ADAMTS20: variants seen among roughly 807,000 people sequenced by gnomAD.
The protein encoded by ADAMTS20 is ADAM metallopeptidase with thrombospondin type 1 motif 20, also known as A disintegrin and metalloproteinase with thrombospondin motifs 20.
ADAMTS20 carries 225 observed loss-of-function variants against 260.1 expected under a neutral mutation model. The observed-to-expected ratio is 0.87, with a 90% CI of 0.78 to 0.97. The LOEUF is 0.97. Ranked by LOEUF, ADAMTS20 falls within the 50% of genes least tolerant of loss-of-function variation. The probability of loss-of-function intolerance (pLI) is 0.00; values close to 1 mark genes in which losing one functional copy is unlikely to be tolerated. For synonymous variants in ADAMTS20, 802 were observed against 769.5 expected, an observed-to-expected ratio of 1.04 and a Z score of -0.70; for missense variants, 2,400 against 2,337.7, an observed-to-expected ratio of 1.03 and a Z score of -0.55.
chr12:43,525,694 A>G (rs575970767), intron 3 of ADAMTS20, among the ~76,000 whole-genome samples: 67 of 152,374 alleles, frequency 4.4e-4, no homozygotes, highest in African/African-American at 1.5e-3. Flanking sequence ...TTGAATGCAA[A>G]TGGAAACCAA....
chr12:43,510,265 C>T (rs1038594320), intron 3 of ADAMTS20, among the ~76,000 whole-genome samples: 1 of 151,726 alleles, frequency 6.6e-6, no homozygotes, highest in Admixed American at 6.6e-5. Context: ...ACACCCCAAA[C>T]ATTTAACAGT....
chr12:43,481,033 C>T (rs149302635), intron 7 of ADAMTS20, among the ~76,000 whole-genome samples: 181 of 152,082 alleles, frequency 1.2e-3, no homozygotes, highest in African/African-American at 4.1e-3. Context: ...ACATTGCCTA[C>T]GTATATCAAA....
At chr12:43,537,921 T>TG (rs1407815930) in intron 2 of ADAMTS20, among the ~76,000 whole-genome samples, 5 of 152,244 alleles carry the variant, frequency 3.3e-5, no homozygotes, top group Non-Finnish European at 7.3e-5. Context: ...CATCTGTTGA[T>TG]GGACACTTAG....
chr12:43,370,639 AT>A (rs929730231), intron 36 of ADAMTS20, among the ~76,000 whole-genome samples: 1 of 152,164 alleles, frequency 6.6e-6, no homozygotes, highest in African/African-American at 2.4e-5. Context: ...TCAAATTCCT[AT>A]TGGGCATCAT....
chr12:43,394,908 A>AT (rs1036683841), intron 29 of ADAMTS20, among the ~76,000 whole-genome samples: 1 of 152,084 alleles, frequency 6.6e-6, no homozygotes, highest in Non-Finnish European at 1.5e-5. Flanking sequence ...TTTGTGGGGA[A>AT]TAAAAACTCT....
At chr12:43,434,031 G>GTATATA (rs2137312947) in intron 19 of ADAMTS20, among the ~76,000 whole-genome samples, 1 of 152,090 alleles carries the variant, frequency 6.6e-6, no homozygotes, top group African/African-American at 2.4e-5. Context: ...AAATATTGAG[G>GTATATA]CCTATATACT....
intron 2 of ADAMTS20, among the ~76,000 whole-genome samples, chr12:43,545,591 C>T (rs558885373): frequency 3.3e-5 from 5 of 152,026 alleles, no homozygotes; most frequent in Non-Finnish European, 7.4e-5. Flanking sequence ...GTGTTTGCAC[C>T]CTGGCCATAG....
intron 2 of ADAMTS20, among the ~76,000 whole-genome samples, chr12:43,543,633 G>A (rs1256641274): frequency 6.6e-6 from 1 of 152,190 alleles, no homozygotes; most frequent in African/African-American, 2.4e-5. Flanking sequence ...TGGGAACTTT[G>A]AGTTTTCTCC....
intron 29 of ADAMTS20, among the ~76,000 whole-genome samples, chr12:43,390,376 A>C (rs760383968): frequency 6.6e-6 from 1 of 152,174 alleles, no homozygotes; most frequent in Non-Finnish European, 1.5e-5. Flanking sequence ...TTCTCTCCTG[A>C]ACTTTCTCAT....
intron 36 of ADAMTS20, among the ~76,000 whole-genome samples, chr12:43,370,579 A>G (rs892251636): frequency 4.6e-5 from 7 of 152,216 alleles, no homozygotes; most frequent in African/African-American, 1.7e-4. Context: ...ATGATGACTC[A>G]TAAGTATATA....
Position 43,354,174 on chromosome 12 carries a change from C to A in ADAMTS20, c.*35G>T. ...GTTATTTGAATATTCCAGAGAATAT[C>A]CCCTCTTTAGGGCATACTTCCCCCT... On this transcript the variant is annotated 3_prime_UTR_variant, in exon 39 of 39. Coordinates refer to ENST00000389420, the MANE Select transcript of ADAMTS20 (RefSeq NM_025003.5). 7.1e-7 allele frequency: 1 copy of A among 1,411,238 alleles called. No homozygotes were observed. Among genetic ancestry groups the A allele is most frequent in the South Asian group, 1.3e-5 (1 of 79,028 alleles). The allele number at this position is 1,411,238 out of a possible 1,614,324, so 87.4% of individuals were successfully genotyped here.
intron 2 of ADAMTS20, among the ~76,000 whole-genome samples, chr12:43,541,793 G>A (rs1270123719): frequency 6.6e-6 from 1 of 152,088 alleles, no homozygotes; most frequent in Non-Finnish European, 1.5e-5. Flanking sequence ...AAGGTTAGTT[G>A]TTCTTCTCTT....
chr12:43,439,514 G>A, intron 18 of ADAMTS20, 108 bp downstream of exon 18: 2 of 1,294,902 alleles, frequency 1.5e-6, no homozygotes, highest in East Asian at 2.3e-5. Context: ...TGTGGGATAT[G>A]TGTATGGACA....
At chr12:43,405,782 A>G (rs1217691184) in intron 28 of ADAMTS20, among the ~76,000 whole-genome samples, 1 of 152,168 alleles carries the variant, frequency 6.6e-6, no homozygotes, top group Non-Finnish European at 1.5e-5. Context: ...AAGTCATCAA[A>G]TGATCAGACA....
chr12:43,421,023 G>A (rs528391405), intron 28 of ADAMTS20, among the ~76,000 whole-genome samples: 12 of 151,074 alleles, frequency 7.9e-5, no homozygotes, highest in Non-Finnish European at 1.5e-4. Context: ...TGGCCAGGCT[G>A]GTCTCGAACT....
chr12:43,366,191 C>CTGTT (rs1939982455), intron 37 of ADAMTS20, among the ~76,000 whole-genome samples: 1 of 151,512 alleles, frequency 6.6e-6, no homozygotes, highest in East Asian at 1.9e-4. Context: ...AGTGGCCACA[C>CTGTT]TAGTATCAGA....
chr12:43,446,746 A>AT, intron 14 of ADAMTS20, 34 bp from the exon 15 acceptor site: 1 of 1,511,408 alleles, frequency 6.6e-7, no homozygotes, highest in Non-Finnish European at 9.2e-7. Context: ...TATTATAAGA[A>AT]TGACTAATTA....
At chr12:43,362,933 G>A (rs1459813547) in intron 37 of ADAMTS20, among the ~76,000 whole-genome samples, 1 of 151,732 alleles carries the variant, frequency 6.6e-6, no homozygotes, top group Non-Finnish European at 1.5e-5. Context: ...AAAGCCTCCA[G>A]AAAGGAATGC....
At chr12:43,443,326 T>C (rs1021523) in intron 16 of ADAMTS20, among the ~76,000 whole-genome samples, 48,743 of 152,022 alleles carry the variant, frequency 0.32, 8,485 homozygotes, top group East Asian at 0.75. Context: ...TTCATTAACA[T>C]ATAAAAATGT....
Sources: gnomAD v4.1 joint callset for allele counts (sites outside exome capture counted in the v4.1 genomes callset) on GRCh38, gnomAD v4.1.1 for gene constraint, MANE v1.5 for transcripts, NCBI Gene and HGNC (gene_info 2026-07-23, HGNC 2026-07-21) for gene names.